The following PTPN2 variants were observed in gnomAD, a reference collection of about 807,000 sequenced individuals.
The protein encoded by PTPN2 is tyrosine-protein phosphatase non-receptor type 2.
Under a neutral mutation model 57.3 loss-of-function variants are expected in PTPN2, and 19 were observed. That is an observed-to-expected ratio of 0.33 (90% CI 0.23 to 0.49). The LOEUF (loss-of-function observed/expected upper bound fraction) is 0.49, where lower values mean the gene tolerates loss of function less well. PTPN2 is among the 20% of genes least tolerant of loss of function. PTPN2 has a pLI of 0.99. For synonymous variants in PTPN2, 153 were observed against 164.9 expected, an observed-to-expected ratio of 0.93 and a Z score of 0.55; for missense variants, 358 against 501.1, an observed-to-expected ratio of 0.71 and a Z score of 2.73.
At chr18:12,819,167 T>TA in intron 5 of PTPN2, 3 of 863,280 alleles carry the variant, frequency 3.5e-6, no homozygotes, top group Non-Finnish European at 3.5e-6. Context: ...ATATAAGGTA[T>TA]AATACTAATA....
intron 8 of PTPN2, among the ~76,000 whole-genome samples, chr18:12,799,504 T>C (rs1171531130): frequency 6.6e-6 from 1 of 152,134 alleles, no homozygotes; most frequent in Non-Finnish European, 1.5e-5. Context: ...TCTATAGGTA[T>C]TAAAAATTAC....
chr18:12,817,213 A>G lies in PTPN2; in HGVS notation c.648T>C (p.Cys216=). 1.2e-6 allele frequency: 2 copies of G among 1,614,192 alleles called. No homozygotes were observed. Among genetic ancestry groups the G allele is most frequent in the African/African-American group, 1.3e-5 (1 of 75,060 alleles). ...TGCCAGAGCGCCCAATGCCTGCACT[A>G]CAGTGGATCACCGCAGGCCCATGGT... ...NPDHGPAVIH[C]SAGIGRSGTF... is the part of the protein sequence containing the mutation. The change falls in exon 6 of 9, where the codon TGT becomes TGC. Residue 216 remains cysteine, a synonymous_variant. Coordinates refer to ENST00000309660, the MANE Select transcript of PTPN2 (RefSeq NM_002828.4).
intron 8 of PTPN2, among the ~76,000 whole-genome samples, chr18:12,794,773 C>A (rs2041105738): frequency 6.6e-6 from 1 of 152,138 alleles, no homozygotes; most frequent in Non-Finnish European, 1.5e-5. Context: ...AGGCGTGCAC[C>A]ACTATGCCCA....
intron 1 of PTPN2, among the ~76,000 whole-genome samples, chr18:12,883,074 T>C (rs1311415553): frequency 6.6e-6 from 1 of 152,162 alleles, no homozygotes; most frequent in Non-Finnish European, 1.5e-5. Context: ...CTATGTGAGC[T>C]GAACAGGCAC....
intron 1 of PTPN2, among the ~76,000 whole-genome samples, chr18:12,867,538 CA>C (rs1172025011): frequency 6.6e-6 from 1 of 151,112 alleles, no homozygotes; most frequent in Non-Finnish European, 1.5e-5. Flanking sequence ...TGGCTGACTT[CA>C]AAAAAAATAC....
chr18:12,807,586 A>AAT (rs1339941310), intron 7 of PTPN2, among the ~76,000 whole-genome samples: 1,170 of 35,154 alleles, frequency 0.033, 104 homozygotes, highest in East Asian at 0.14. Context: ...AAAAAAAAAA[A>AAT]ATATATATAT....
rs537123348 is a variant in PTPN2, at chr18:12,861,560, G to T, written c.70-2306C>A. Reference sequence around the variant, plus strand: ...CGTTCATGATATTTTAATTAATTTTGTAGTTTTCTTCATAAAGGTATGCTA... The same window carrying T: ...CGTTCATGATATTTTAATTAATTTTTTAGTTTTCTTCATAAAGGTATGCTA... On this transcript the variant is annotated intron_variant, in intron 1 of 8. Transcript: ENST00000309660. 3.7e-4 allele frequency among the ~76,000 whole-genome samples: 57 copies of T among 152,206 alleles called. 1 individual carries two copies. The highest frequency in any genetic ancestry group is 1.3e-3 in the African/African-American group (54 of 41,520).
chr18:12,808,811 A>T (rs777726979), intron 7 of PTPN2, among the ~76,000 whole-genome samples: 1 of 152,196 alleles, frequency 6.6e-6, no homozygotes. Context: ...AAAAAAACAA[A>T]ATAAAAAATA....
intron 7 of PTPN2, among the ~76,000 whole-genome samples, chr18:12,808,169 A>G (rs1256406532): frequency 1.3e-5 from 2 of 152,160 alleles, no homozygotes; most frequent in Admixed American, 1.3e-4. Context: ...CATGAACAAG[A>G]GAATGAGACC....
At chr18:12,846,323 T>C (rs2043203950) in intron 2 of PTPN2, among the ~76,000 whole-genome samples, 1 of 152,234 alleles carries the variant, frequency 6.6e-6, no homozygotes. Context: ...TCACCAAATT[T>C]TCACCCACCA....
chr18:12,857,587 TC>T (rs796725754), intron 2 of PTPN2, among the ~76,000 whole-genome samples: 7 of 152,322 alleles, frequency 4.6e-5, no homozygotes, highest in African/African-American at 1.7e-4. Flanking sequence ...TCTTCAAAAC[TC>T]ATGGTAACAT....
At chr18:12,842,784 C>T (rs1476737856) in intron 2 of PTPN2, among the ~76,000 whole-genome samples, 4 of 152,116 alleles carry the variant, frequency 2.6e-5, no homozygotes, top group African/African-American at 7.2e-5. Context: ...ATTTTCTCAG[C>T]GGGCCTACCT....
intron 3 of PTPN2, among the ~76,000 whole-genome samples, chr18:12,831,485 G>C (rs1412947107): frequency 6.6e-6 from 1 of 152,182 alleles, no homozygotes; most frequent in Admixed American, 6.5e-5. Flanking sequence ...AGGCAAATCA[G>C]AGACAAAATC....
At chr18:12,804,496 C>T (rs144700450) in intron 7 of PTPN2, among the ~76,000 whole-genome samples, 1 of 149,518 alleles carries the variant, frequency 6.7e-6, no homozygotes, top group Non-Finnish European at 1.5e-5. Context: ...CAAACAAAAT[C>T]AACAAACCTA....
chr18:12,807,878 T>C (rs1398180305), intron 7 of PTPN2, among the ~76,000 whole-genome samples: 1 of 151,918 alleles, frequency 6.6e-6, no homozygotes, highest in Non-Finnish European at 1.5e-5. Flanking sequence ...AGAATGACTA[T>C]GGTTAATAAT....
chr18:12,793,906 T>G lies in PTPN2; in HGVS notation c.*372A>C, dbSNP rs866363266. On this transcript the variant is annotated 3_prime_UTR_variant, in exon 9 of 9. Transcript: ENST00000309660. The stretch of plus-strand genomic sequence containing the variant: ...ATAACGTAGATAAAACCACAATATT[T>G]ATTGCTTATATCAAGTGCAGGTTAA... The G allele has an allele frequency of 6.1e-5, 66 of 1,084,192 alleles. No homozygotes were observed. The African/African-American group carries it at 9.4e-4, about 15-fold the overall frequency. The allele number at this position is 1,084,192 out of a possible 1,614,324, so 67.2% of individuals were successfully genotyped here.
At position 12,795,045 on chromosome 18, in the gene PTPN2, C is replaced by T. The variant is rs530334467; in HGVS notation, c.1041-560G>A. The stretch of plus-strand genomic sequence containing the variant: ...AAATAAGCAAGGTACTTTCTTGACA[C>T]GTGAATTGATGACTGTTAGTTTTCT... On this transcript the variant is annotated intron_variant, in intron 8 of 8. Transcript: ENST00000309660. Among the ~76,000 whole-genome samples, 16 of 152,258 alleles carry T rather than the reference C, an allele frequency of 1.1e-4. 1 individual carries two copies. The East Asian group carries it at 2.1e-3, about 20-fold the overall frequency.
At chr18:12,867,899 C>A (rs1227920447) in intron 1 of PTPN2, among the ~76,000 whole-genome samples, 1 of 152,176 alleles carries the variant, frequency 6.6e-6, no homozygotes, top group Non-Finnish European at 1.5e-5. Flanking sequence ...TTACAGCTGC[C>A]TCTACCTCAT....
intron 1 of PTPN2, among the ~76,000 whole-genome samples, chr18:12,875,083 C>T (rs1479017086): frequency 2.0e-5 from 3 of 152,090 alleles, no homozygotes; most frequent in African/African-American, 4.8e-5. Context: ...GCAAGATGTG[C>T]TTTGTTAAAC....
Sources: gnomAD v4.1 joint callset for allele counts (sites outside exome capture counted in the v4.1 genomes callset) on GRCh38, gnomAD v4.1.1 for gene constraint, MANE v1.5 for transcripts, NCBI Gene and HGNC (gene_info 2026-07-23, HGNC 2026-07-21) for gene names.